ATP9B: variants seen among roughly 807,000 people sequenced by gnomAD.
ATP9B encodes the protein ATPase phospholipid transporting 9B.
Under a neutral mutation model 146.1 loss-of-function variants are expected in ATP9B, and 110 were observed. The observed-to-expected ratio is 0.75, with a 90% confidence interval of 0.65 to 0.88. The LOEUF (loss-of-function observed/expected upper bound fraction) is 0.88. ATP9B is among the 40% of genes least tolerant of loss of function. The pLI is 0.00. For missense variants in ATP9B, 1,499 were observed against 1,496.4 expected, an observed-to-expected ratio of 1.00 and a Z score of -0.03; for synonymous variants, 604 against 569.7, an observed-to-expected ratio of 1.06 and a Z score of -0.86.
rs942013973 is a variant in ATP9B at position 79,212,982 on chromosome 18, A to G, written c.1031-980A>G. Among the ~76,000 whole-genome samples the G allele has an allele frequency of 3.3e-5, 5 of 152,168 alleles. No homozygotes were observed. The South Asian group carries it at 8.3e-4, about 25-fold the overall frequency. ...TAGAGAGGAAGGTGTAAGCCATGTG[A>G]TATGTATAATATGTAACATATCAAG... On this transcript the variant is annotated intron_variant, in intron 10 of 29. Transcript: ENST00000426216.
chr18:79,121,432 C>T (rs1005370331), intron 4 of ATP9B, among the ~76,000 whole-genome samples: 4 of 152,076 alleles, frequency 2.6e-5, no homozygotes, highest in Admixed American at 2.6e-4. Context: ...TTGTTGGTAC[C>T]GAGGTAATGG....
intron 4 of ATP9B, among the ~76,000 whole-genome samples, chr18:79,113,867 A>C (rs1337194449): frequency 6.6e-6 from 1 of 152,212 alleles, no homozygotes; most frequent in African/African-American, 2.4e-5. Context: ...TGCTGTCTTG[A>C]TAGTCTTAAG....
At chr18:79,278,374 C>T (rs1464616378) in intron 13 of ATP9B, among the ~76,000 whole-genome samples, 1 of 152,200 alleles carries the variant, frequency 6.6e-6, no homozygotes, top group Non-Finnish European at 1.5e-5. Context: ...GCAGTTCTTT[C>T]TTTCACTTTC....
Position 79,157,411 on chromosome 18 carries a change from A to AC in ATP9B, c.778+2856_778+2857insC, listed in dbSNP as rs2094808276. Among the ~76,000 whole-genome samples the AC allele has an allele frequency of 2.0e-5, 3 of 149,154 alleles. No individual in the cohort carries two copies. The South Asian group carries it at 6.4e-4, about 32-fold the overall frequency. ...AACTCCATCTCAAAAAAAAAAAAAA[A>AC]AAAAAAAAAAAAACATGTATTGACT... On this transcript the variant is annotated intron_variant, in intron 7 of 29. Coordinates refer to ENST00000426216, the MANE Select transcript of ATP9B (RefSeq NM_198531.5).
chr18:79,320,443 C>T (rs1354535617), intron 15 of ATP9B, among the ~76,000 whole-genome samples: 3 of 152,168 alleles, frequency 2.0e-5, no homozygotes, highest in South Asian at 2.1e-4. Context: ...CCTGGCTGCG[C>T]GGCCGGCACT....
rs536146817 is a variant in ATP9B, at chr18:79,214,613, A to G, written c.1107+575A>G. Among the ~76,000 whole-genome samples the G allele has an allele frequency of 3.9e-5, 6 of 152,332 alleles. No homozygotes were observed. In the South Asian group the frequency reaches 8.3e-4, roughly 21 times the overall value. On this transcript the variant is annotated intron_variant, in intron 11 of 29. Transcript: ENST00000426216. Reference sequence around the variant, plus strand: ...AAAGTCTGAATCCTCAGTAGTTGCTATCATCATGATACCATATGTGAGATG... The same window carrying G: ...AAAGTCTGAATCCTCAGTAGTTGCTGTCATCATGATACCATATGTGAGATG...
intron 7 of ATP9B, among the ~76,000 whole-genome samples, chr18:79,156,007 C>T (rs2094774527): frequency 1.3e-5 from 2 of 151,974 alleles, no homozygotes; most frequent in African/African-American, 2.4e-5. Flanking sequence ...TGTGATCCAC[C>T]CACCTCGGCC....
At chr18:79,140,784 C>G (rs549775463) in intron 5 of ATP9B, among the ~76,000 whole-genome samples, 1 of 151,884 alleles carries the variant, frequency 6.6e-6, no homozygotes, top group East Asian at 1.9e-4. Context: ...CCATCTCAAA[C>G]AGCAGCAAAA....
At chr18:79,130,251 G>A (rs1942306) in intron 5 of ATP9B, among the ~76,000 whole-genome samples, 38,738 of 151,992 alleles carry the variant, frequency 0.25, 5,286 homozygotes, top group East Asian at 0.5. Context: ...TGATGTAGAA[G>A]CAAGTAGAGA....
intron 15 of ATP9B, among the ~76,000 whole-genome samples, chr18:79,323,999 T>G (rs1284675994): frequency 6.6e-6 from 1 of 152,212 alleles, no homozygotes; most frequent in African/African-American, 2.4e-5. Context: ...TTAACTGGGG[T>G]GAGGTGATAC....
intron 1 of ATP9B, 85 bp downstream of exon 1, chr18:79,069,614 C>T: frequency 1.1e-6 from 1 of 886,874 alleles, no homozygotes; most frequent in Non-Finnish European, 1.5e-6. Flanking sequence ...CCGGGCGGGT[C>T]TGGGGTCGCT....
chr18:79,334,927 G>A (rs1020274490), intron 17 of ATP9B, among the ~76,000 whole-genome samples: 13 of 151,792 alleles, frequency 8.6e-5, no homozygotes, highest in East Asian at 1.9e-4. Context: ...GCCTTGTTCC[G>A]GGTAGGAGAG....
chr18:79,367,333 T>C (rs1789210), intron 26 of ATP9B, among the ~76,000 whole-genome samples: 6 of 127,308 alleles, frequency 4.7e-5, no homozygotes, highest in African/African-American at 9.0e-5. Flanking sequence ...GCAGAGAAAG[T>C]GCCTCCTCAA....
At chr18:79,339,101 A>G (rs2096842610) in intron 19 of ATP9B, among the ~76,000 whole-genome samples, 1 of 152,118 alleles carries the variant, frequency 6.6e-6, no homozygotes, top group South Asian at 2.1e-4. Flanking sequence ...GTGTGTCATG[A>G]TCGCAGTAGG....
chr18:79,122,329 A>T (rs1464050749), intron 4 of ATP9B, among the ~76,000 whole-genome samples: 1 of 152,168 alleles, frequency 6.6e-6, no homozygotes, highest in Non-Finnish European at 1.5e-5. Context: ...CTTACGTGGG[A>T]ATAGCTGCAG....
At chr18:79,219,037 A>G (rs556828740) in intron 11 of ATP9B, among the ~76,000 whole-genome samples, 2 of 152,366 alleles carry the variant, frequency 1.3e-5, no homozygotes, top group South Asian at 4.1e-4. Flanking sequence ...CAGGATAAGA[A>G]TAATGAATGA....
intron 5 of ATP9B, among the ~76,000 whole-genome samples, chr18:79,132,849 T>A (rs1160785196): frequency 6.6e-6 from 1 of 152,208 alleles, no homozygotes; most frequent in Non-Finnish European, 1.5e-5. Context: ...TGTTCTCTGT[T>A]ACTTTTTTCT....
intron 1 of ATP9B, among the ~76,000 whole-genome samples, chr18:79,070,153 A>T (rs571354449): frequency 6.6e-6 from 1 of 152,176 alleles, no homozygotes; most frequent in African/African-American, 2.4e-5. Context: ...CATACTCGAG[A>T]TTGCATTTAG....
At chr18:79,372,988 C>T (rs1284838105) in intron 27 of ATP9B, 106 bp downstream of exon 27, 2 of 745,826 alleles carry the variant, frequency 2.7e-6, no homozygotes, top group Non-Finnish European at 4.5e-6. Context: ...GCTTAAAATG[C>T]CATCAGCAGT....
Sources: gnomAD v4.1 joint callset for allele counts (sites outside exome capture counted in the v4.1 genomes callset) on GRCh38, gnomAD v4.1.1 for gene constraint, MANE v1.5 for transcripts, NCBI Gene and HGNC (gene_info 2026-07-23, HGNC 2026-07-21) for gene names.